Variants in PIK3C2G observed in about 807,000 individuals in gnomAD.
PIK3C2G encodes the protein phosphatidylinositol 3-kinase C2 domain-containing subunit gamma.
Under a neutral mutation model 181.1 loss-of-function variants are expected in PIK3C2G, and 168 were observed. The ratio of observed to expected loss-of-function variants is 0.93; its 90% confidence interval spans 0.82 to 1.05. The LOEUF (loss-of-function observed/expected upper bound fraction) is 1.05. PIK3C2G is among the 50% of genes least tolerant of loss of function. The pLI, the probability that PIK3C2G is intolerant of heterozygous loss-of-function variation, is 0.00. For synonymous variants in PIK3C2G, 573 were observed against 592.2 expected (o/e 0.97, Z 0.47); for missense variants, 1,869 against 1,732.8 (o/e 1.08, Z -1.40).
chr12:18,695,124 C>T, the PIK3C2G span: 3 of 1,560,734 alleles, frequency 1.9e-6, no homozygotes, highest in Non-Finnish European at 2.6e-6. Context: ...ATAGAGAATA[C>T]AAATAAAGGA....
At position 18,277,341 on chromosome 12, in the gene PIK3C2G, C is replaced by T. The variant is rs12306977; in HGVS notation, c.-78-4663C>T. On this transcript the variant is annotated intron_variant, in intron 1 of 32. Transcript: ENST00000538779. Reference sequence around the variant, plus strand: ...AATTGGTTGAGCAGATGAAGAGAGACTTGGGAATTTCAGAATATCCTTCCA... The same window carrying T: ...AATTGGTTGAGCAGATGAAGAGAGATTTGGGAATTTCAGAATATCCTTCCA... 4.2e-3 allele frequency among the ~76,000 whole-genome samples: 640 copies of T among 151,756 alleles called. 4 individuals carry two copies. The highest frequency in any genetic ancestry group is 0.015 in the African/African-American group (606 of 41,498).
the PIK3C2G span, among the ~76,000 whole-genome samples, chr12:18,702,992 G>A: frequency 6.6e-6 from 1 of 151,714 alleles, no homozygotes; most frequent in Non-Finnish European, 1.5e-5. Flanking sequence ...TTTACTCATT[G>A]AAAAGCACCT....
At position 18,565,069 on chromosome 12, in the gene PIK3C2G, G is replaced by C. The variant is rs181744686; in HGVS notation, c.3902+1571G>C. 1.6e-4 allele frequency among the ~76,000 whole-genome samples: 24 copies of C among 152,238 alleles called. No homozygotes were observed. The East Asian group carries it at 4.4e-3, about 28-fold the overall frequency. ...TGTGTAAGCAACCTGTGGAGGCAAG[G>C]AACATTTTGTCCTATGTTCCCTGAA... On this transcript the variant is annotated intron_variant, in intron 28 of 32. Transcript: ENST00000538779.
chr12:18,439,581 C>T (rs897268302), intron 18 of PIK3C2G, among the ~76,000 whole-genome samples: 9 of 151,938 alleles, frequency 5.9e-5, no homozygotes, highest in African/African-American at 2.2e-4. Context: ...CTGAGCCACT[C>T]ATGTATGTAT....
intron 5 of PIK3C2G, among the ~76,000 whole-genome samples, chr12:18,305,777 A>G (rs1950394428): frequency 6.6e-6 from 1 of 152,054 alleles, no homozygotes; most frequent in Admixed American, 6.6e-5. Context: ...ACAATAATAA[A>G]ACCTTAGGAT....
At chr12:18,454,600 T>C (rs372535408) in intron 18 of PIK3C2G, among the ~76,000 whole-genome samples, 1 of 152,146 alleles carries the variant, frequency 6.6e-6, no homozygotes, top group South Asian at 2.1e-4. Flanking sequence ...CAGGATCACT[T>C]TGCCTGCTGT....
chr12:18,664,127 C>T, the PIK3C2G span, among the ~76,000 whole-genome samples: 10 of 152,128 alleles, frequency 6.6e-5, 1 homozygote, highest in South Asian at 1.2e-3. Context: ...AAATAACAAG[C>T]GAGGGTCAGG....
chr12:18,268,032 G>T (rs1948582011), intron 1 of PIK3C2G, among the ~76,000 whole-genome samples: 1 of 152,260 alleles, frequency 6.6e-6, no homozygotes, highest in Non-Finnish European at 1.5e-5. Context: ...GCGGTGGAGG[G>T]AATTGATCCG....
the PIK3C2G span, among the ~76,000 whole-genome samples, chr12:18,704,393 T>C: frequency 6.6e-6 from 1 of 152,262 alleles, no homozygotes; most frequent in African/African-American, 2.4e-5. Context: ...TAGCTCAATC[T>C]TGGCTCACTG....
At chr12:18,272,927 T>C (rs1285080355) in intron 1 of PIK3C2G, among the ~76,000 whole-genome samples, 1 of 152,016 alleles carries the variant, frequency 6.6e-6, no homozygotes, top group Non-Finnish European at 1.5e-5. Flanking sequence ...GGAATGCTCA[T>C]TGTACTGAAA....
chr12:18,563,932 T>C (rs1945480291), intron 28 of PIK3C2G, among the ~76,000 whole-genome samples: 1 of 149,880 alleles, frequency 6.7e-6, no homozygotes, highest in African/African-American at 2.4e-5. Context: ...CTTATTAATA[T>C]ACATATTTAA....
At chr12:18,377,590 G>C (rs1479156633) in intron 13 of PIK3C2G, among the ~76,000 whole-genome samples, 1 of 152,090 alleles carries the variant, frequency 6.6e-6, no homozygotes, top group Non-Finnish European at 1.5e-5. Context: ...CATTGATTTT[G>C]TCCAAAAAGC....
At chr12:18,562,634 C>A in intron 26 of PIK3C2G, 69 bp from the exon 27 acceptor site, 1 of 933,956 alleles carries the variant, frequency 1.1e-6, no homozygotes, top group Non-Finnish European at 1.6e-6. Flanking sequence ...CACAAGGAAA[C>A]AGATCATAAA....
intron 12 of PIK3C2G, among the ~76,000 whole-genome samples, chr12:18,366,532 A>T (rs914136572): frequency 6.6e-6 from 1 of 152,206 alleles, no homozygotes; most frequent in African/African-American, 2.4e-5. Flanking sequence ...TCTGTCTCAA[A>T]AAAATAAATA....
chr12:18,429,672 G>A (rs1818301943), intron 18 of PIK3C2G, among the ~76,000 whole-genome samples: 1 of 152,084 alleles, frequency 6.6e-6, no homozygotes, highest in African/African-American at 2.4e-5. Flanking sequence ...CACAGTATCT[G>A]AAACTCAGTA....
At chr12:18,699,671 T>C in the PIK3C2G span, 5 of 1,064,238 alleles carry the variant, frequency 4.7e-6, no homozygotes, top group African/African-American at 6.4e-5. Context: ...TTCTAAATTA[T>C]GTTAAATGTG....
intron 29 of PIK3C2G, among the ~76,000 whole-genome samples, chr12:18,575,409 T>G (rs1946185669): frequency 6.6e-6 from 1 of 152,192 alleles, no homozygotes; most frequent in Admixed American, 6.5e-5. Context: ...TCTCAGACAA[T>G]AAATATCTTC....
intron 18 of PIK3C2G, among the ~76,000 whole-genome samples, chr12:18,487,364 A>T (rs972635355): frequency 6.6e-6 from 1 of 152,132 alleles, no homozygotes; most frequent in South Asian, 2.1e-4. Context: ...CTAACATAAT[A>T]CACATTGGAC....
intron 18 of PIK3C2G, among the ~76,000 whole-genome samples, chr12:18,482,731 T>C (rs1051158524): frequency 4.7e-4 from 71 of 152,224 alleles, no homozygotes; most frequent in African/African-American, 1.5e-3. Flanking sequence ...CAGTCTCTTA[T>C]TGCATACACT....
Sources: allele counts gnomAD v4.1 joint callset (sites outside exome capture counted in the v4.1 genomes callset), GRCh38; gene constraint gnomAD v4.1.1; transcripts MANE v1.5; gene names NCBI Gene and HGNC (gene_info 2026-07-23, HGNC 2026-07-21).